TF: variants seen among roughly 807,000 people sequenced by gnomAD.
TF encodes transferrin, also known as serotransferrin.
TF carries 55 observed loss-of-function variants against 82.4 expected under a neutral mutation model. The ratio of observed to expected loss-of-function variants is 0.67; its 90% CI spans 0.54 to 0.84. The LOEUF (loss-of-function observed/expected upper bound fraction) is 0.84, where lower values mean the gene tolerates loss of function less well. Ranked by LOEUF, TF falls within the 40% of genes least tolerant of loss-of-function variation. The pLI, the probability that TF is intolerant of heterozygous loss-of-function variation, is 0.00. For missense variants in TF, 737 were observed against 868.4 expected (o/e 0.85, Z 1.90); for synonymous variants, 332 against 332.6 (o/e 1.00, Z 0.02).
At position 133,748,417 on chromosome 3, in the gene TF, T is replaced by A; in HGVS notation, c.49T>A (p.Cys17Ser). 6.2e-7 allele frequency: 1 copy of A among 1,614,098 alleles called. No homozygotes were observed. Among genetic ancestry groups the A allele is most frequent in the Non-Finnish European group, 8.5e-7 (1 of 1,180,006 alleles). The change falls in exon 2 of 17, where the codon TGT (cysteine) becomes AGT (serine). Residue 17 changes from cysteine to serine, a missense_variant. By Grantham distance (112) the Cys-to-Ser change is moderately radical. Transcript: ENST00000402696. ...CTCTGGCCTCTCTCCCCCAGGGCTG[T>A]GTCTGGCTGTCCCTGATAAAACTGT... ...ALLVCAVLGL[C>S]LAVPDKTVRW...
chr3:133,704,244 G>A, the TF span: 1 of 227,204 alleles, frequency 4.4e-6, no homozygotes. Flanking sequence ...CTGATGCCAT[G>A]AGCTTGGATG....
the TF span, among the ~76,000 whole-genome samples, chr3:133,702,844 A>G: frequency 6.6e-6 from 1 of 152,164 alleles, no homozygotes; most frequent in Non-Finnish European, 1.5e-5. Context: ...CCTAGCACCA[A>G]TTCCTAAGAT....
intron 15 of TF, 76 bp downstream of exon 15, chr3:133,775,693 T>C: frequency 6.8e-7 from 1 of 1,461,570 alleles, no homozygotes; most frequent in South Asian, 1.1e-5. Flanking sequence ...TACAACAAAG[T>C]GCAGCCATGA....
intron 7 of TF, among the ~76,000 whole-genome samples, chr3:133,757,514 C>T (rs145542197): frequency 2.6e-4 from 40 of 152,344 alleles, no homozygotes; most frequent in Middle Eastern, 3.4e-3. Flanking sequence ...GGATTAGCCA[C>T]GTTTCTTGTT....
rs542677160 is a variant in TF, at chr3:133,794,463, T to C, written c.*15843T>C. 6.6e-6 allele frequency: 1 copy of C among 152,364 alleles called. No individual in the cohort carries two copies. Among genetic ancestry groups the C allele is most frequent in the African/African-American group, 2.4e-5 (1 of 41,592 alleles). 9.4% of individuals were successfully genotyped at this position (152,364 alleles called of 1,614,324 possible). ...AAGCTTTCCCATGCAAGAGGGCTGA[T>C]GTTATAACACTAAGTTATTATGCCA... On this transcript the variant is annotated 3_prime_UTR_variant, in exon 17 of 17. Coordinates refer to ENST00000402696, the MANE Select transcript of TF (RefSeq NM_001063.4).
the TF span, among the ~76,000 whole-genome samples, chr3:133,718,951 T>C: frequency 6.6e-6 from 1 of 151,712 alleles, no homozygotes; most frequent in Non-Finnish European, 1.5e-5. Flanking sequence ...TGAATGGGAG[T>C]GATTGATCCT....
At chr3:133,716,681 G>C in the TF span, among the ~76,000 whole-genome samples, 1 of 152,124 alleles carries the variant, frequency 6.6e-6, no homozygotes, top group Non-Finnish European at 1.5e-5. Context: ...AAGTGATTCT[G>C]TTAAACTTAA....
the TF span, among the ~76,000 whole-genome samples, chr3:133,672,348 A>G: frequency 6.6e-6 from 1 of 152,128 alleles, no homozygotes; most frequent in Non-Finnish European, 1.5e-5. Context: ...GAAGTAACAT[A>G]TTCCAATTAA....
chr3:133,750,721 C>T (rs1398934769), intron 2 of TF, among the ~76,000 whole-genome samples: 1 of 152,136 alleles, frequency 6.6e-6, no homozygotes, highest in African/African-American at 2.4e-5. Flanking sequence ...TTCCTGACCA[C>T]TCTCCCAACC....
At chr3:133,750,260 T>C (rs981747632) in intron 2 of TF, among the ~76,000 whole-genome samples, 10 of 152,164 alleles carry the variant, frequency 6.6e-5, no homozygotes, top group African/African-American at 2.4e-4. Flanking sequence ...CGGGCCATCC[T>C]AGGGACACAG....
chr3:133,785,974 C>T lies in TF; in HGVS notation c.*7354C>T, dbSNP rs1468601150. 1.7e-5 allele frequency: 1 copy of T among 59,040 alleles called. No individual in the cohort carries two copies. Among genetic ancestry groups the T allele is most frequent in the Non-Finnish European group, 3.5e-5 (1 of 28,514 alleles). 3.7% of individuals were successfully genotyped at this position (59,040 alleles called of 1,614,324 possible). A position where few individuals can be genotyped will look rare whatever the true frequency, so the allele number is the denominator to read the frequency against. On this transcript the variant is annotated 3_prime_UTR_variant, in exon 17 of 17. Coordinates refer to ENST00000402696, the MANE Select transcript of TF (RefSeq NM_001063.4). ...CACTCAGGGTTAAATGGATTAAGGG[C>T]GGTGCAAGATGTGCTTTGTTAAACA...
chr3:133,787,661 G>A lies in TF; in HGVS notation c.*9041G>A, dbSNP rs533678278. The A allele has an allele frequency of 2.0e-5, 3 of 152,322 alleles. No homozygotes were observed. Among genetic ancestry groups the A allele is most frequent in the African/African-American group, 7.2e-5 (3 of 41,568 alleles). The allele number at this position is 152,322 out of a possible 1,614,324, so 9.4% of individuals were successfully genotyped here. Reference sequence around the variant, plus strand: ...TTACTTGTTCATTCAGTTGAGGAAGGTGAGAGGGAAGAAATTACAAAAGAT... The same window carrying A: ...TTACTTGTTCATTCAGTTGAGGAAGATGAGAGGGAAGAAATTACAAAAGAT... On this transcript the variant is annotated 3_prime_UTR_variant, in exon 17 of 17. Coordinates refer to ENST00000402696, the MANE Select transcript of TF (RefSeq NM_001063.4).
chr3:133,702,878 C>T, the TF span, among the ~76,000 whole-genome samples: 1 of 152,106 alleles, frequency 6.6e-6, no homozygotes, highest in Non-Finnish European at 1.5e-5. Context: ...GTTATGTAGT[C>T]TACTAAATGT....
the TF span, among the ~76,000 whole-genome samples, chr3:133,683,696 G>A: frequency 1.4e-4 from 21 of 152,182 alleles, no homozygotes; most frequent in East Asian, 1.5e-3. Flanking sequence ...ACCCAGATTC[G>A]TAAAGCAAAT....
chr3:133,666,211 C>T, the TF span, among the ~76,000 whole-genome samples: 2 of 152,180 alleles, frequency 1.3e-5, no homozygotes, highest in African/African-American at 4.8e-5. Context: ...CTCGCTCTGT[C>T]GCCCAGGTTA....
chr3:133,726,526 C>A, the TF span, among the ~76,000 whole-genome samples: 1 of 152,154 alleles, frequency 6.6e-6, no homozygotes, highest in Non-Finnish European at 1.5e-5. Flanking sequence ...TTTTATATTG[C>A]ATCTATTTGA....
the TF span, among the ~76,000 whole-genome samples, chr3:133,681,102 C>T: frequency 6.6e-6 from 1 of 152,322 alleles, no homozygotes; most frequent in African/African-American, 2.4e-5. Flanking sequence ...CTAGTGCTCT[C>T]TACACTAATT....
At chr3:133,749,152 C>T (rs528769845) in intron 2 of TF, among the ~76,000 whole-genome samples, 1 of 152,226 alleles carries the variant, frequency 6.6e-6, no homozygotes, top group Non-Finnish European at 1.5e-5. Context: ...CAGAGTGAGG[C>T]TCCATCTCAA....
In TF at chr3:133,787,719, T is replaced by C. The variant is rs1257181311; in HGVS notation, c.*9099T>C. On this transcript the variant is annotated 3_prime_UTR_variant, in exon 17 of 17. Coordinates refer to ENST00000402696, the MANE Select transcript of TF (RefSeq NM_001063.4). ...TATTGTGTACTAGAAAATTTCAGTTTATCCATTGCCTTATATGTTAAATGC... is the reference window on the plus strand; with the variant it reads ...TATTGTGTACTAGAAAATTTCAGTTCATCCATTGCCTTATATGTTAAATGC... 1 of 152,206 alleles carries C rather than the reference T, an allele frequency of 6.6e-6. No individual in the cohort carries two copies. Among genetic ancestry groups the C allele is most frequent in the Non-Finnish European group, 1.5e-5 (1 of 68,028 alleles). 9.4% of individuals were successfully genotyped at this position (152,206 alleles called of 1,614,324 possible).
Sources: gnomAD v4.1 joint callset for allele counts (sites outside exome capture counted in the v4.1 genomes callset) on GRCh38, gnomAD v4.1.1 for gene constraint, MANE v1.5 for transcripts, NCBI Gene and HGNC (gene_info 2026-07-23, HGNC 2026-07-21) for gene names.